Variants in GABRA3 observed in about 807,000 individuals in gnomAD.
GABRA3 encodes the protein gamma-aminobutyric acid receptor subunit alpha-3.
GABRA3 carries 10 observed loss-of-function variants against 30.1 expected under a neutral mutation model. The observed-to-expected ratio is 0.33, with a 90% confidence interval of 0.20 to 0.56. GABRA3 has a LOEUF of 0.56. GABRA3 is among the 20% of genes least tolerant of loss of function. The pLI, the probability that GABRA3 is intolerant of heterozygous loss-of-function variation, is 0.89. For synonymous variants in GABRA3, 151 were observed against 146.8 expected (o/e 1.03, Z -0.21); for missense variants, 233 against 392.0 (o/e 0.59, Z 3.42).
chrX:152,170,733 C>T (rs958882624), intron 9 of GABRA3, among the ~76,000 whole-genome samples: 8 of 112,114 alleles, frequency 7.1e-5, no homozygotes, highest in Non-Finnish European at 1.1e-4. Flanking sequence ...CCTTGAAAGG[C>T]CTTATATGCT....
chrX:152,235,380 GC>G (rs1222514731), intron 5 of GABRA3, among the ~76,000 whole-genome samples: 2 of 111,131 alleles, frequency 1.8e-5, no homozygotes, highest in East Asian at 5.7e-4. Context: ...GGATTTTGCA[GC>G]CGGAGCAATT....
intron 1 of GABRA3, among the ~76,000 whole-genome samples, chrX:152,449,587 A>G (rs1931170811): frequency 9.0e-6 from 1 of 111,315 alleles, no homozygotes; most frequent in Non-Finnish European, 1.9e-5. Flanking sequence ...CCCTCCAGAA[A>G]TCCAGGTGAA....
chrX:152,235,557 G>C (rs756687708), intron 5 of GABRA3, among the ~76,000 whole-genome samples: 1 of 94,229 alleles, frequency 1.1e-5, no homozygotes, highest in Non-Finnish European at 2.0e-5. Context: ...CAGAATCAAC[G>C]GGAAAAATTC....
At chrX:152,190,139 C>T (rs1937304350) in intron 8 of GABRA3, among the ~76,000 whole-genome samples, 198 bp from the exon 9 acceptor site, 1 of 111,466 alleles carries the variant, frequency 9.0e-6, no homozygotes, top group South Asian at 3.8e-4. Context: ...TCCCAATTGG[C>T]AGAAGACTAT....
chrX:152,342,181 T>G (rs181187255), intron 3 of GABRA3, among the ~76,000 whole-genome samples: 1 of 113,039 alleles, frequency 8.8e-6, no homozygotes, highest in East Asian at 2.8e-4. Flanking sequence ...CTATTGACTT[T>G]TTAATAATGG....
chrX:152,240,032 T>A (rs1220002580), intron 5 of GABRA3, among the ~76,000 whole-genome samples: 1 of 96,004 alleles, frequency 1.0e-5, no homozygotes, highest in Non-Finnish European at 2.0e-5. Context: ...TTTGATCCTG[T>A]CATTATGATG....
At chrX:152,408,839 C>A (rs1482624214) in intron 1 of GABRA3, among the ~76,000 whole-genome samples, 4 of 108,279 alleles carry the variant, frequency 3.7e-5, no homozygotes, top group African/African-American at 1.0e-4. Context: ...GGTATAGTAA[C>A]TAAAGTAGCA....
intron 4 of GABRA3, among the ~76,000 whole-genome samples, chrX:152,269,615 C>A (rs1938890696): frequency 8.9e-6 from 1 of 111,874 alleles, no homozygotes; most frequent in Non-Finnish European, 1.9e-5. Flanking sequence ...AAAAAAACAC[C>A]ACATCATGGT....
intron 9 of GABRA3, among the ~76,000 whole-genome samples, chrX:152,175,142 A>G (rs1937056463): frequency 8.9e-6 from 1 of 112,251 alleles, no homozygotes; most frequent in East Asian, 2.8e-4. Context: ...TGTAGAATAA[A>G]GAAGACAGAA....
chrX:152,319,670 A>T, intron 3 of GABRA3, among the ~76,000 whole-genome samples: 1 of 111,929 alleles, frequency 8.9e-6, no homozygotes, highest in Non-Finnish European at 1.9e-5. Flanking sequence ...GGCTTAGGCA[A>T]AGCCTTTATG....
At chrX:152,323,226 A>T (rs894522734) in intron 3 of GABRA3, among the ~76,000 whole-genome samples, 1 of 111,563 alleles carries the variant, frequency 9.0e-6, no homozygotes, top group Non-Finnish European at 1.9e-5. Flanking sequence ...TTGGAGTGGG[A>T]TATCATTCAG....
intron 5 of GABRA3, among the ~76,000 whole-genome samples, chrX:152,253,662 CT>C (rs1938591975): frequency 9.0e-6 from 1 of 111,722 alleles, no homozygotes; most frequent in African/African-American, 3.2e-5. Context: ...TAATTCCAGT[CT>C]TTTTACCTTC....
At chrX:152,431,105 A>G (rs1030520111) in intron 1 of GABRA3, among the ~76,000 whole-genome samples, 16 of 112,070 alleles carry the variant, frequency 1.4e-4, no homozygotes, top group African/African-American at 4.9e-4. Flanking sequence ...TTCAAGAGAA[A>G]GAAAGACGAA....
At chrX:152,252,178 T>C (rs977130481) in intron 5 of GABRA3, among the ~76,000 whole-genome samples, 2 of 111,330 alleles carry the variant, frequency 1.8e-5, no homozygotes, top group Non-Finnish European at 3.8e-5. Context: ...GAAGGTATTT[T>C]CTATGTGCAC....
chrX:152,285,948 A>G (rs1389815447), intron 3 of GABRA3, among the ~76,000 whole-genome samples: 1 of 106,841 alleles, frequency 9.4e-6, no homozygotes, highest in African/African-American at 3.4e-5. Flanking sequence ...CTTAGTACTA[A>G]GTATTTATAG....
chrX:152,196,418 A>AG (rs1176678459), intron 8 of GABRA3, among the ~76,000 whole-genome samples: 2 of 108,461 alleles, frequency 1.8e-5, no homozygotes, highest in African/African-American at 6.7e-5. Context: ...GAAAAAAAAA[A>AG]AAAGAAAGAA....
At chrX:152,233,695 G>A (rs1234157296) in intron 5 of GABRA3, among the ~76,000 whole-genome samples, 1 of 105,855 alleles carries the variant, frequency 9.4e-6, no homozygotes, top group Non-Finnish European at 1.9e-5. Flanking sequence ...CCCATTACTG[G>A]GTATATACCC....
intron 3 of GABRA3, among the ~76,000 whole-genome samples, chrX:152,341,667 C>T (rs927560504): frequency 1.0e-5 from 1 of 99,663 alleles, no homozygotes; most frequent in South Asian, 4.9e-4. Context: ...AGCCTCCCAA[C>T]TAGCTGGGAC....
chrX:152,204,619 C>A (rs1235090019), intron 7 of GABRA3, among the ~76,000 whole-genome samples: 2 of 112,009 alleles, frequency 1.8e-5, no homozygotes, highest in Non-Finnish European at 3.8e-5. Context: ...TTAATACATG[C>A]CCTCAGGGAA....
Sources: gnomAD v4.1 joint callset for allele counts (sites outside exome capture counted in the v4.1 genomes callset) on GRCh38, gnomAD v4.1.1 for gene constraint, MANE v1.5 for transcripts, NCBI Gene and HGNC (gene_info 2026-07-23, HGNC 2026-07-21) for gene names.